ABCB8: variants seen among roughly 807,000 people sequenced by gnomAD.
ABCB8 encodes ATP binding cassette subfamily B member 8, also known as mitochondrial potassium channel ATP-binding subunit.
ABCB8 carries 52 observed loss-of-function variants against 73.0 expected under a neutral mutation model. That is an observed-to-expected ratio of 0.71 (90% CI 0.57 to 0.90). The LOEUF is 0.90. Among genes scored for constraint, ABCB8 ranks in the 40% least tolerant of loss-of-function variants. The pLI is 0.00. For missense variants in ABCB8, 909 were observed against 974.6 expected (o/e 0.93, Z 0.90); for synonymous variants, 428 against 423.5 (o/e 1.01, Z -0.13).
In ABCB8 at chr7:151,036,401, C is replaced by G. The variant is rs1437316039; in HGVS notation, c.1112-143C>G. The G allele has an allele frequency of 2.1e-5, 18 of 872,192 alleles. No individual in the cohort carries two copies. The East Asian group carries it at 4.5e-4, about 22-fold the overall frequency. 54.0% of individuals were successfully genotyped at this position (872,192 alleles called of 1,614,324 possible). On this transcript the variant is annotated intron_variant, in intron 8 of 15. Transcript: ENST00000358849. ...AGGAGGCCATGGAGGCGTGCCCACCCCAACTTGCTCTTCCGAGGAGGAAGC... is the reference window on the plus strand; with the variant it reads ...AGGAGGCCATGGAGGCGTGCCCACCGCAACTTGCTCTTCCGAGGAGGAAGC...
chr7:151,034,235 C>G (rs773940688), intron 2 of ABCB8, 38 bp from the exon 3 acceptor site: 5 of 1,582,016 alleles, frequency 3.2e-6, no homozygotes, highest in Non-Finnish European at 2.6e-6. Context: ...GTGGCTCCCC[C>G]ACTTAAAACA....
In ABCB8 at chr7:151,046,133, C is replaced by A. The variant is rs1004743320; in HGVS notation, c.*784C>A. 6.6e-6 allele frequency: 1 copy of A among 152,148 alleles called. No homozygotes were observed. The highest frequency in any genetic ancestry group is 2.4e-5 in the African/African-American group (1 of 41,438). The allele number at this position is 152,148 out of a possible 1,614,324, so 9.4% of individuals were successfully genotyped here. A position where few individuals can be genotyped will look rare whatever the true frequency, so the allele number is the denominator to read the frequency against. On this transcript the variant is annotated 3_prime_UTR_variant, in exon 16 of 16. Coordinates refer to ENST00000358849, the MANE Select transcript of ABCB8 (RefSeq NM_007188.5). ...CCTGCCCTGTGTGCCTGGCGTCTTT[C>A]ACCCACTGAGATTGTGAACCAGCCT...
chr7:151,034,413 C>T lies in ABCB8; in HGVS notation c.549C>T (p.Ile183=). 6.2e-7 allele frequency: 1 copy of T among 1,613,998 alleles called. No individual in the cohort carries two copies. The highest frequency in any genetic ancestry group is 8.5e-7 in the Non-Finnish European group (1 of 1,180,004). ...ESQNLSTHLL[I]LYGVQGLLTF... is the part of the protein sequence containing the mutation. ...AGAATCTCAGCACCCACCTGCTTATCCTCTATGGTGTCCAGGTACAGCCGG... is the reference window on the plus strand; with the variant it reads ...AGAATCTCAGCACCCACCTGCTTATTCTCTATGGTGTCCAGGTACAGCCGG... The change falls in exon 3 of 16, where the codon ATC becomes ATT. Residue 183 remains isoleucine (I), a synonymous_variant. Transcript: ENST00000358849.
rs531794916 is a variant in ABCB8 at position 151,039,737 on chromosome 7, T to G, written c.1218-531T>G. On this transcript the variant is annotated intron_variant, in intron 9 of 15. Transcript: ENST00000358849. ...TTCTCCAAAAAGATTTAACATCACT[T>G]CTTCCACCTAAATGTCTGCCAAAGT... The G allele has an allele frequency of 2.0e-5, 3 of 152,702 alleles. No individual in the cohort carries two copies. The East Asian group carries it at 5.8e-4, about 29-fold the overall frequency. The allele number at this position is 152,702 out of a possible 1,614,324, so 9.5% of individuals were successfully genotyped here.
At chr7:151,028,765 C>T (rs776405538) in intron 1 of ABCB8, 155 bp downstream of exon 1, 9 of 1,535,254 alleles carry the variant, frequency 5.9e-6, no homozygotes, top group Non-Finnish European at 6.1e-6. Context: ...GGGTGTTGGC[C>T]TCAATTATTT....
At chr7:151,035,253 C>G (rs1796271513) in intron 5 of ABCB8, among the ~76,000 whole-genome samples, 1 of 152,240 alleles carries the variant, frequency 6.6e-6, no homozygotes, top group African/African-American at 2.4e-5. Flanking sequence ...ATGCCACACA[C>G]TGGCCTAGGC....
intron 9 of ABCB8, 29 bp downstream of exon 9, chr7:151,036,678 G>C (rs767841207): frequency 2.6e-6 from 4 of 1,553,428 alleles, no homozygotes; most frequent in South Asian, 1.2e-5. Context: ...CATTGCTACA[G>C]AGCCCCCTGC....
chr7:151,028,482 C>T lies in ABCB8; in HGVS notation c.-34C>T. ...CCTCAGTGGGATGAGGGTGAAACTGCTATTGCCGGCGGCTCCTGTTTTACC... is the reference window on the plus strand; with the variant it reads ...CCTCAGTGGGATGAGGGTGAAACTGTTATTGCCGGCGGCTCCTGTTTTACC... On this transcript the variant is annotated 5_prime_UTR_variant, in exon 1 of 16. Transcript: ENST00000358849. 6.3e-7 allele frequency: 1 copy of T among 1,596,020 alleles called. No homozygotes were observed. The highest frequency in any genetic ancestry group is 8.5e-7 in the Non-Finnish European group (1 of 1,171,462).
intron 14 of ABCB8, among the ~76,000 whole-genome samples, chr7:151,042,624 A>G (rs1303174540): frequency 6.6e-6 from 1 of 152,226 alleles, no homozygotes; most frequent in Non-Finnish European, 1.5e-5. Flanking sequence ...AACTAGGAAC[A>G]CGCAGCCTGG....
Position 151,045,566 on chromosome 7 carries a change from A to C in ABCB8, c.*217A>C. 2.1e-6 allele frequency: 1 copy of C among 479,260 alleles called. No homozygotes were observed. The highest frequency in any genetic ancestry group is 3.5e-6 in the Non-Finnish European group (1 of 287,258). 29.7% of individuals were successfully genotyped at this position (479,260 alleles called of 1,614,324 possible). On this transcript the variant is annotated 3_prime_UTR_variant, in exon 16 of 16. Coordinates refer to ENST00000358849, the MANE Select transcript of ABCB8 (RefSeq NM_007188.5). ...TCCTGCCGGCTGCCTCCCTCCCACC[A>C]GAGTCTGCCAGAGTCATTGGGCTGC...
intron 14 of ABCB8, among the ~76,000 whole-genome samples, chr7:151,043,670 A>G (rs1294121578): frequency 2.0e-4 from 12 of 58,808 alleles, no homozygotes; most frequent in East Asian, 5.0e-4. Flanking sequence ...AGTGCGGGGT[A>G]GAGGGTCAGA....
chr7:151,035,890 G>A lies in ABCB8; in HGVS notation c.936G>A (p.Arg312=). Residue 312 remains arginine, a synonymous_variant, in exon 7 of 16, where the codon AGG becomes AGA. Coordinates refer to ENST00000358849, the MANE Select transcript of ABCB8 (RefSeq NM_007188.5). Reference sequence around the variant, plus strand: ...TCCTGGACTCCTTGCAGATCGCCAGGGCAATGGGCGTAGCAGACGAGGCCC... The same window carrying A: ...TCCTGGACTCCTTGCAGATCGCCAGAGCAATGGGCGTAGCAGACGAGGCCC... ...LSRQCQEQIA[R]AMGVADEALG... is the part of the protein sequence containing the mutation. 6.2e-7 allele frequency: 1 copy of A among 1,613,402 alleles called. No homozygotes were observed.
At position 151,033,732 on chromosome 7, in the gene ABCB8, G is replaced by A. The variant is rs777661867; in HGVS notation, c.223G>A (p.Gly75Arg). The A allele has an allele frequency of 1.2e-6, 2 of 1,613,904 alleles. No homozygotes were observed. Among genetic ancestry groups the A allele is most frequent in the South Asian group, 1.1e-5 (1 of 91,078 alleles). ...GAGCCCCTCTGCCTGGTGCTGGGTT[G>A]GGGGAGCCCTGCTAGGCCCCATGGT... ...RWSPSAWCWV[G>R]GALLGPMVLS... Residue 75 changes from glycine to arginine, a missense_variant, in exon 2 of 16, where the codon GGG (glycine) becomes AGG (arginine). Transcript: ENST00000358849.
At chr7:151,043,776 G>A (rs10952300) in intron 14 of ABCB8, among the ~76,000 whole-genome samples, 195 bp from the exon 15 acceptor site, 55,722 of 86,206 alleles carry the variant, frequency 0.65, 18,956 homozygotes, top group African/African-American at 0.8. Flanking sequence ...GAGGGTGCAC[G>A]GTGTGGGGTG....
chr7:151,035,958 G>A lies in ABCB8; in HGVS notation c.1004G>A (p.Arg335Gln), dbSNP rs749467318. 1.9e-5 allele frequency: 30 copies of A among 1,613,742 alleles called. No homozygotes were observed. Among genetic ancestry groups the A allele is most frequent in the South Asian group, 1.1e-4 (10 of 91,090 alleles). ...RTVRAFAMEQREEERYGAELE... is the reference protein window; with the variant it reads ...RTVRAFAMEQQEEERYGAELE... Reference sequence around the variant, plus strand: ...GTGCGTGCCTTCGCCATGGAGCAACGGGAAGAGGAGTGAGTCCTGGGAGGG... The same window carrying A: ...GTGCGTGCCTTCGCCATGGAGCAACAGGAAGAGGAGTGAGTCCTGGGAGGG... Residue 335 changes from arginine (R) to glutamine (Q), a missense_variant, in exon 7 of 16, where the codon CGG becomes CAG. Arg to Gln is a conservative substitution (Grantham distance 43, BLOSUM62 1). Coordinates refer to ENST00000358849, the MANE Select transcript of ABCB8 (RefSeq NM_007188.5).
At chr7:151,044,807 A>G (rs1352819750) in intron 15 of ABCB8, among the ~76,000 whole-genome samples, 3 of 152,194 alleles carry the variant, frequency 2.0e-5, no homozygotes, top group Non-Finnish European at 4.4e-5. Flanking sequence ...CTAGCTGCCC[A>G]GGGTATCAGG....
rs777624166 is a variant in ABCB8 at position 151,040,654 on chromosome 7, C to T, written c.1388+20C>T. 26 of 1,606,894 alleles carry T rather than the reference C, an allele frequency of 1.6e-5. No homozygotes were observed. The highest frequency in any genetic ancestry group is 2.2e-5 in the South Asian group (2 of 90,760). ...CTTCAGGTCAGCACGGGTGAGCAGG[C>T]GTGGGGATGGGTCCCTGGGCCGGGG... is the stretch of plus-strand genomic sequence containing the variant. On this transcript the variant is annotated intron_variant, in intron 11 of 15. Transcript: ENST00000358849.
chr7:151,036,459 C>A, intron 8 of ABCB8, 85 bp from the exon 9 acceptor site: 2 of 1,251,734 alleles, frequency 1.6e-6, no homozygotes, highest in Non-Finnish European at 1.2e-6. Context: ...CCTCACCTGA[C>A]TCTCCCAGTC....
chr7:151,031,370 T>C lies in ABCB8; in HGVS notation c.96-2235T>C, dbSNP rs1796157966. 8 of 1,508,142 alleles carry C rather than the reference T, an allele frequency of 5.3e-6. No individual in the cohort carries two copies. The East Asian group carries it at 2.0e-4, about 37-fold the overall frequency. The allele number at this position is 1,508,142 out of a possible 1,614,324, so 93.4% of individuals were successfully genotyped here. A position where few individuals can be genotyped will look rare whatever the true frequency, so the allele number is the denominator to read the frequency against. ...TAAAAACCTGGCAGTTGGAATGGGG[T>C]GGGAGAAGGCCTCATGTAGGCAAAA... On this transcript the variant is annotated intron_variant, in intron 1 of 15. Transcript: ENST00000358849.
Sources: allele counts gnomAD v4.1 joint callset (sites outside exome capture counted in the v4.1 genomes callset), GRCh38; gene constraint gnomAD v4.1.1; transcripts MANE v1.5; gene names NCBI Gene and HGNC (gene_info 2026-07-23, HGNC 2026-07-21).